The following FANCA variants were observed in gnomAD, a reference collection of about 807,000 sequenced individuals.
The protein encoded by FANCA is FA complementation group A, also known as Fanconi anemia group A protein.
In FANCA, 236 loss-of-function variants were observed where a neutral mutation model predicts 194.3. The ratio of observed to expected loss-of-function variants is 1.21; its 90% confidence interval spans 1.09 to 1.35. FANCA has a LOEUF of 1.35. Ranked by LOEUF, FANCA falls within the 40% of genes most tolerant of loss-of-function variation. FANCA has a pLI of 0.00. For synonymous variants in FANCA, 1,014 were observed against 715.8 expected (o/e 1.42, Z -6.65); for missense variants, 2,628 against 1,813.9 (o/e 1.45, Z -8.15).
At position 89,737,616 on chromosome 16, in the gene FANCA, G is replaced by C. The variant is rs1436034157; in HGVS notation, c.*985C>G. The C allele has an allele frequency of 2.7e-6, 3 of 1,108,388 alleles. No individual in the cohort carries two copies. In the South Asian group the frequency reaches 5.1e-5, roughly 19 times the overall value. 68.7% of individuals were successfully genotyped at this position (1,108,388 alleles called of 1,614,324 possible). The stretch of plus-strand genomic sequence containing the variant: ...AAATGCACACAGCTGATGAAGCCAC[G>C]TGACAGTGTATAAAGCAGTTTAAAG... On this transcript the variant is annotated 3_prime_UTR_variant, in exon 43 of 43. Transcript: ENST00000389301.
At chr16:89,747,328 C>T (rs1313428918) in intron 33 of FANCA, among the ~76,000 whole-genome samples, 1 of 152,224 alleles carries the variant, frequency 6.6e-6, no homozygotes, top group Non-Finnish European at 1.5e-5. Flanking sequence ...GAAAAACAGC[C>T]ATTCATAAGA....
intron 32 of FANCA, among the ~76,000 whole-genome samples, chr16:89,749,340 G>A (rs2038500621): frequency 1.3e-5 from 2 of 152,290 alleles, no homozygotes; most frequent in Middle Eastern, 6.8e-3. Context: ...AGTCTCCCGA[G>A]TAGCTGGGAT....
chr16:89,796,991 T>C (rs996353663), intron 10 of FANCA, among the ~76,000 whole-genome samples: 3 of 145,950 alleles, frequency 2.1e-5, no homozygotes, highest in Non-Finnish European at 4.5e-5. Flanking sequence ...ACCCCATCTC[T>C]ACTAAAAAAA....
intron 6 of FANCA, among the ~76,000 whole-genome samples, chr16:89,806,344 ATTCTTT>A (rs926422099): frequency 1.8e-5 from 1 of 57,030 alleles, no homozygotes; most frequent in African/African-American, 1.0e-4. Flanking sequence ...CTTCTATATC[ATTCTTT>A]TTTTTTTTTT....
intron 35 of FANCA, 74 bp downstream of exon 35, chr16:89,746,510 A>G: frequency 8.6e-7 from 1 of 1,168,638 alleles, no homozygotes; most frequent in Non-Finnish European, 1.3e-6. Flanking sequence ...GACGTGCTGC[A>G]GAGATGCCAG....
Position 89,773,568 on chromosome 16 carries a change from T to C in FANCA, c.1901-184A>G, listed in dbSNP as rs17226512. On this transcript the variant is annotated intron_variant, in intron 21 of 42. Coordinates refer to ENST00000389301, the MANE Select transcript of FANCA (RefSeq NM_000135.4). ...GTCTTCCCTGATGCTGGATGCCACA[T>C]CGAAAATTACAATTATAAACGAGTT... Among the ~76,000 whole-genome samples, 9,105 of 152,082 alleles carry C rather than the reference T, an allele frequency of 0.06. 421 individuals carry two copies. Among genetic ancestry groups the C allele is most frequent in the East Asian group, 0.23 (1,167 of 5,156 alleles).
chr16:89,803,203 A>C, intron 8 of FANCA, 56 bp downstream of exon 8: 2 of 1,502,544 alleles, frequency 1.3e-6, no homozygotes, highest in Middle Eastern at 1.7e-4. Flanking sequence ...ACATTTCAAC[A>C]CTTGGAATAA....
chr16:89,807,769 G>C (rs1049882405), intron 6 of FANCA, among the ~76,000 whole-genome samples: 1 of 152,112 alleles, frequency 6.6e-6, no homozygotes, highest in Non-Finnish European at 1.5e-5. Context: ...TGTAGTCCCA[G>C]CTACTCGGGA....
rs1166883043 is a variant in FANCA at position 89,752,205 on chromosome 16, T to C, written c.2999A>G (p.His1000Arg). 1 of 1,613,844 alleles carries C rather than the reference T, an allele frequency of 6.2e-7. No individual in the cohort carries two copies. Among genetic ancestry groups the C allele is most frequent in the East Asian group, 2.2e-5 (1 of 44,886 alleles). ...AAAGACCAAATCAGAATTTTCTGAG[T>C]GGTCATAACTCCTTGAGCTGAAATG... ...DFHQSSRSYD[H>R]SENSDLVFGG... The change falls in exon 31 of 43, where the codon CAC becomes CGC. Residue 1000 changes from histidine to arginine, a missense_variant. Transcript: ENST00000389301.
chr16:89,738,171 G>T lies in FANCA; in HGVS notation c.*430C>A. The stretch of plus-strand genomic sequence containing the variant: ...CCCAGGACAAGGCCCTGCCCCTGGA[G>T]GCGGAACCACCACCTGGGCCACCGA... On this transcript the variant is annotated 3_prime_UTR_variant, in exon 43 of 43. Coordinates refer to ENST00000389301, the MANE Select transcript of FANCA (RefSeq NM_000135.4). The T allele has an allele frequency of 6.2e-7, 1 of 1,613,026 alleles. No individual in the cohort carries two copies. Among genetic ancestry groups the T allele is most frequent in the Non-Finnish European group, 8.5e-7 (1 of 1,179,838 alleles).
At chr16:89,797,247 C>G (rs1598161406) in intron 10 of FANCA, among the ~76,000 whole-genome samples, 1 of 151,900 alleles carries the variant, frequency 6.6e-6, no homozygotes, top group Non-Finnish European at 1.5e-5. Flanking sequence ...AGGAGAATCG[C>G]TTGAACCCAG....
chr16:89,759,040 G>T (rs547638269), intron 29 of FANCA, among the ~76,000 whole-genome samples: 1 of 152,218 alleles, frequency 6.6e-6, no homozygotes, highest in African/African-American at 2.4e-5. Flanking sequence ...TGTAGGCTGG[G>T]GCAGGTGCAG....
chr16:89,797,606 G>A (rs573652780), intron 10 of FANCA, among the ~76,000 whole-genome samples: 3 of 152,114 alleles, frequency 2.0e-5, no homozygotes, highest in African/African-American at 7.2e-5. Context: ...GGCCAGGTGC[G>A]GTGGCTCACG....
At chr16:89,765,996 T>C (rs2143297809) in intron 27 of FANCA, among the ~76,000 whole-genome samples, 1 of 148,826 alleles carries the variant, frequency 6.7e-6, no homozygotes, top group East Asian at 2.1e-4. Context: ...CCATTATTTA[T>C]TTATTTTTTT....
At chr16:89,786,216 C>T (rs111445110) in intron 14 of FANCA, among the ~76,000 whole-genome samples, 4,044 of 151,600 alleles carry the variant, frequency 0.027, 186 homozygotes, top group African/African-American at 0.093. Flanking sequence ...CAAAGCCTCA[C>T]TCTGTCACCC....
chr16:89,793,138 C>A (rs2040133409), intron 11 of FANCA, among the ~76,000 whole-genome samples: 1 of 152,080 alleles, frequency 6.6e-6, no homozygotes, highest in East Asian at 1.9e-4. Flanking sequence ...GGTGGAGGAG[C>A]AGAGTCTTCT....
At chr16:89,750,731 C>T (rs2038558766) in intron 31 of FANCA, among the ~76,000 whole-genome samples, 1 of 152,084 alleles carries the variant, frequency 6.6e-6, no homozygotes, top group Non-Finnish European at 1.5e-5. Flanking sequence ...CAAGATCCCG[C>T]CACTGCACTC....
intron 14 of FANCA, 60 bp downstream of exon 14, chr16:89,791,343 C>G: frequency 6.3e-7 from 1 of 1,594,896 alleles, no homozygotes; most frequent in South Asian, 1.1e-5. Flanking sequence ...CAGCATGGTC[C>G]CCACTCCCAG....
chr16:89,767,320 C>A, intron 26 of FANCA, 83 bp from the exon 27 acceptor site: 1 of 1,026,308 alleles, frequency 9.7e-7, no homozygotes, highest in African/African-American at 1.6e-5. Flanking sequence ...TTTCATAAAA[C>A]TGAATTTAGT....
Sources: allele counts gnomAD v4.1 joint callset (sites outside exome capture counted in the v4.1 genomes callset), GRCh38; gene constraint gnomAD v4.1.1; transcripts MANE v1.5; gene names NCBI Gene and HGNC (gene_info 2026-07-23, HGNC 2026-07-21).